The following KSR2 variants were observed in gnomAD, a reference collection of about 807,000 sequenced individuals.
KSR2 encodes kinase suppressor of ras 2.
A neutral mutation model predicts 107.8 loss-of-function variants in KSR2; 25 were observed. That is an observed-to-expected ratio of 0.23 (90% confidence interval 0.17 to 0.32). KSR2 has a LOEUF of 0.32. Ranked by LOEUF, KSR2 falls within the 10% of genes least tolerant of loss-of-function variation. The pLI is 1.00. For synonymous variants in KSR2, 480 were observed against 507.0 expected, an observed-to-expected ratio of 0.95 and a Z score of 0.71; for missense variants, 887 against 1,268.9, an observed-to-expected ratio of 0.70 and a Z score of 4.57.
intron 4 of KSR2, among the ~76,000 whole-genome samples, chr12:117,745,077 A>T (rs1252676622): frequency 6.6e-6 from 1 of 152,194 alleles, no homozygotes; most frequent in Non-Finnish European, 1.5e-5. Flanking sequence ...TGACATGCCC[A>T]GGGTCACACA....
At chr12:117,775,752 A>G (rs902245823) in intron 3 of KSR2, among the ~76,000 whole-genome samples, 2 of 152,206 alleles carry the variant, frequency 1.3e-5, no homozygotes, top group African/African-American at 4.8e-5. Flanking sequence ...TTACTCAGCC[A>G]TAAAAAGGAA....
At chr12:117,605,668 G>A (rs1881189953) in intron 5 of KSR2, among the ~76,000 whole-genome samples, 1 of 152,006 alleles carries the variant, frequency 6.6e-6, no homozygotes, top group Non-Finnish European at 1.5e-5. Flanking sequence ...AAAGATAAAT[G>A]TACATGTAAG....
intron 4 of KSR2, among the ~76,000 whole-genome samples, chr12:117,736,374 G>A (rs1424533767): frequency 6.6e-6 from 1 of 152,138 alleles, no homozygotes; most frequent in Non-Finnish European, 1.5e-5. Flanking sequence ...CTCCTCTTCT[G>A]GCAAGAGCCT....
chr12:117,952,491 C>G (rs959535490), intron 1 of KSR2, among the ~76,000 whole-genome samples: 15 of 150,518 alleles, frequency 1.0e-4, no homozygotes, highest in Non-Finnish European at 2.1e-4. Context: ...TCTACAAATA[C>G]AAAATATTTG....
intron 3 of KSR2, among the ~76,000 whole-genome samples, chr12:117,852,122 T>A (rs949320671): frequency 2.0e-5 from 3 of 151,930 alleles, no homozygotes; most frequent in African/African-American, 7.2e-5. Context: ...AAAAAATTTT[T>A]AAAAAGATCA....
At chr12:117,558,079 C>T in intron 8 of KSR2, among the ~76,000 whole-genome samples, 1 of 152,104 alleles carries the variant, frequency 6.6e-6, no homozygotes, top group South Asian at 2.1e-4. Context: ...TCCAGCAGAC[C>T]CAAGACATAC....
intron 17 of KSR2, among the ~76,000 whole-genome samples, chr12:117,472,674 A>AGG (rs1871534180): frequency 6.6e-6 from 1 of 152,184 alleles, no homozygotes; most frequent in African/African-American, 2.4e-5. Flanking sequence ...GGGCTGGGGA[A>AGG]GGGGTGGTGA....
At chr12:117,651,952 G>C (rs1248581567) in intron 5 of KSR2, among the ~76,000 whole-genome samples, 4 of 152,250 alleles carry the variant, frequency 2.6e-5, no homozygotes, top group Non-Finnish European at 5.9e-5. Flanking sequence ...CAAGGGCCAA[G>C]TGGCAGCACT....
chr12:117,815,872 G>A (rs1317822215), intron 3 of KSR2, among the ~76,000 whole-genome samples: 2 of 152,076 alleles, frequency 1.3e-5, no homozygotes, highest in African/African-American at 4.8e-5. Context: ...CTACTCGGGA[G>A]GCTGAGGCAG....
At chr12:117,672,688 G>A (rs1201527565) in intron 4 of KSR2, among the ~76,000 whole-genome samples, 3 of 151,574 alleles carry the variant, frequency 2.0e-5, no homozygotes, top group Non-Finnish European at 2.9e-5. Context: ...GCAGTGGTAC[G>A]ATCTCGGCCC....
intron 3 of KSR2, among the ~76,000 whole-genome samples, chr12:117,782,754 A>G (rs1889931057): frequency 6.6e-6 from 1 of 152,168 alleles, no homozygotes; most frequent in Non-Finnish European, 1.5e-5. Flanking sequence ...GAAAAAGCCA[A>G]AATTTGAACC....
Position 117,538,657 on chromosome 12 carries a change from C to T in KSR2, c.1687+1062G>A, listed in dbSNP as rs113064753. Among the ~76,000 whole-genome samples the T allele has an allele frequency of 7.1e-3, 1,075 of 152,300 alleles. 15 individuals are homozygous for T. Among genetic ancestry groups the T allele is most frequent in the African/African-American group, 0.025 (1,031 of 41,558 alleles). ...TGTTCTACACCTGAGCCATTCAGTA[C>T]GGCAGCCACCAGCCACATGTGGCTA... On this transcript the variant is annotated intron_variant, in intron 10 of 19. Coordinates refer to ENST00000339824, the MANE Select transcript of KSR2 (RefSeq NM_173598.6).
chr12:117,853,350 C>A (rs912296333), intron 3 of KSR2, among the ~76,000 whole-genome samples: 4 of 152,028 alleles, frequency 2.6e-5, no homozygotes, highest in African/African-American at 7.2e-5. Flanking sequence ...TAATTTGGTG[C>A]AATTTTTTTT....
intron 5 of KSR2, among the ~76,000 whole-genome samples, chr12:117,619,414 A>G (rs149480285): frequency 0.038 from 5,768 of 151,594 alleles, 251 homozygotes; most frequent in East Asian, 0.24. Context: ...TCCTGTGTGC[A>G]TGTGTTCTCA....
chr12:117,801,343 G>C (rs1890826307), intron 3 of KSR2, among the ~76,000 whole-genome samples: 2 of 149,748 alleles, frequency 1.3e-5, no homozygotes, highest in Admixed American at 1.3e-4. Flanking sequence ...TGGCCAGGCT[G>C]ATCTCAAACT....
At chr12:117,512,458 G>T (rs1426298758) in intron 14 of KSR2, among the ~76,000 whole-genome samples, 1 of 152,140 alleles carries the variant, frequency 6.6e-6, no homozygotes, top group East Asian at 1.9e-4. Flanking sequence ...GTATCACCTG[G>T]GATGACTGTT....
At chr12:117,692,821 T>C (rs1007378896) in intron 4 of KSR2, among the ~76,000 whole-genome samples, 1 of 152,016 alleles carries the variant, frequency 6.6e-6, no homozygotes, top group Non-Finnish European at 1.5e-5. Context: ...TGATTTCCAT[T>C]TATATGAAAT....
At chr12:117,683,487 C>G (rs1224983568) in intron 4 of KSR2, among the ~76,000 whole-genome samples, 1 of 151,952 alleles carries the variant, frequency 6.6e-6, no homozygotes, top group African/African-American at 2.4e-5. Flanking sequence ...GTATAAATTC[C>G]TAGAAATTAA....
intron 1 of KSR2, among the ~76,000 whole-genome samples, chr12:117,943,186 G>C (rs969820317): frequency 5.3e-5 from 8 of 152,078 alleles, no homozygotes; most frequent in Admixed American, 2.0e-4. Flanking sequence ...TCATTTTTCT[G>C]ACTAAGTACA....
Sources: allele counts gnomAD v4.1 joint callset (sites outside exome capture counted in the v4.1 genomes callset), GRCh38; gene constraint gnomAD v4.1.1; transcripts MANE v1.5; gene names NCBI Gene and HGNC (gene_info 2026-07-23, HGNC 2026-07-21).